APBB1IP: variants seen among roughly 807,000 people sequenced by gnomAD.
APBB1IP encodes amyloid beta A4 precursor protein-binding family B member 1-interacting protein.
A neutral mutation model predicts 64.9 loss-of-function variants in APBB1IP; 27 were observed. The ratio of observed to expected loss-of-function variants is 0.42; its 90% CI spans 0.31 to 0.57. The LOEUF is 0.57. Among genes scored for constraint, APBB1IP ranks in the 20% least tolerant of loss-of-function variants. The probability of loss-of-function intolerance (pLI) is 0.20; values close to 1 mark genes in which losing one functional copy is unlikely to be tolerated. For missense variants in APBB1IP, 812 were observed against 845.5 expected (o/e 0.96, Z 0.49); for synonymous variants, 392 against 331.0 (o/e 1.18, Z -2.00).
intron 2 of APBB1IP, among the ~76,000 whole-genome samples, chr10:26,461,153 A>C (rs1203895064): frequency 2.6e-5 from 4 of 152,052 alleles, no homozygotes; most frequent in Non-Finnish European, 5.9e-5. Flanking sequence ...TATAAAACGA[A>C]GGAAGAGAGG....
chr10:26,448,671 C>T (rs1459941909), intron 2 of APBB1IP, among the ~76,000 whole-genome samples: 3 of 152,214 alleles, frequency 2.0e-5, no homozygotes, highest in African/African-American at 7.2e-5. Flanking sequence ...TTTAAACCTA[C>T]ACCCAGAATG....
At chr10:26,552,787 C>T (rs182051265) in intron 11 of APBB1IP, among the ~76,000 whole-genome samples, 1 of 152,300 alleles carries the variant, frequency 6.6e-6, no homozygotes, top group African/African-American at 2.4e-5. Flanking sequence ...TCCAACGTGG[C>T]CTCTGGAACC....
intron 2 of APBB1IP, among the ~76,000 whole-genome samples, chr10:26,470,851 G>A (rs1835707933): frequency 6.6e-6 from 1 of 151,598 alleles, no homozygotes; most frequent in South Asian, 2.1e-4. Context: ...ACCTCAGCCT[G>A]TGTAATTGCC....
At chr10:26,478,382 T>A (rs1380331444) in intron 2 of APBB1IP, among the ~76,000 whole-genome samples, 1 of 151,664 alleles carries the variant, frequency 6.6e-6, no homozygotes, top group East Asian at 1.9e-4. Context: ...GCTGAATGTG[T>A]GAATTAGAAG....
intron 2 of APBB1IP, among the ~76,000 whole-genome samples, chr10:26,488,021 A>G (rs1366630995): frequency 6.6e-6 from 1 of 152,216 alleles, no homozygotes; most frequent in African/African-American, 2.4e-5. Context: ...AATTCATCTG[A>G]AGGATTCCTT....
At chr10:26,502,274 A>G (rs1836112959) in intron 5 of APBB1IP, among the ~76,000 whole-genome samples, 1 of 152,186 alleles carries the variant, frequency 6.6e-6, no homozygotes, top group Non-Finnish European at 1.5e-5. Context: ...CTCATAAAAT[A>G]CTTCACTCAC....
At chr10:26,505,605 A>G (rs565788773) in intron 6 of APBB1IP, among the ~76,000 whole-genome samples, 8 of 152,096 alleles carry the variant, frequency 5.3e-5, no homozygotes, top group Non-Finnish European at 1.0e-4. Context: ...TGGGCCTCCC[A>G]AAGTGCTGGG....
At chr10:26,458,404 T>C (rs990524274) in intron 2 of APBB1IP, among the ~76,000 whole-genome samples, 18 of 130,452 alleles carry the variant, frequency 1.4e-4, no homozygotes, top group African/African-American at 4.9e-4. Context: ...GGAAGGAAGG[T>C]AGGAAAAGGG....
At chr10:26,550,132 A>C (rs1347682608) in intron 11 of APBB1IP, among the ~76,000 whole-genome samples, 2 of 151,772 alleles carry the variant, frequency 1.3e-5, no homozygotes, top group African/African-American at 4.8e-5. Flanking sequence ...GCATATTAGA[A>C]TTCCCTTATG....
chr10:26,481,636 C>A (rs185983733), intron 2 of APBB1IP, among the ~76,000 whole-genome samples: 4 of 152,078 alleles, frequency 2.6e-5, no homozygotes, highest in African/African-American at 9.6e-5. Context: ...AGGTGCGCAC[C>A]ACTATGCCCA....
At chr10:26,550,540 G>A (rs1481407438) in intron 11 of APBB1IP, among the ~76,000 whole-genome samples, 1 of 151,780 alleles carries the variant, frequency 6.6e-6, no homozygotes, top group South Asian at 2.1e-4. Context: ...TGCAGTTGAT[G>A]TCCTCTGTTT....
chr10:26,565,556 C>T (rs1837031083), intron 14 of APBB1IP, among the ~76,000 whole-genome samples: 2 of 152,188 alleles, frequency 1.3e-5, no homozygotes, highest in African/African-American at 4.8e-5. Context: ...GATCTAAACA[C>T]CTCATTGAAC....
chr10:26,482,583 A>G (rs1282444789), intron 2 of APBB1IP, among the ~76,000 whole-genome samples: 1 of 152,148 alleles, frequency 6.6e-6, no homozygotes, highest in Non-Finnish European at 1.5e-5. Context: ...CCCATTCATA[A>G]GCTTTTTAAA....
chr10:26,447,507 G>A (rs976944269), intron 2 of APBB1IP, among the ~76,000 whole-genome samples: 8 of 152,136 alleles, frequency 5.3e-5, no homozygotes, highest in Admixed American at 3.9e-4. Context: ...AAAGGAAATG[G>A]GGAGAATCTA....
At chr10:26,440,702 T>C (rs1238777944) in intron 2 of APBB1IP, among the ~76,000 whole-genome samples, 2 of 152,194 alleles carry the variant, frequency 1.3e-5, no homozygotes, top group African/African-American at 4.8e-5. Context: ...ATTACATTTT[T>C]TGTATTTTTA....
At chr10:26,541,732 T>C in intron 11 of APBB1IP, 40 bp downstream of exon 11, 2 of 1,418,438 alleles carry the variant, frequency 1.4e-6, no homozygotes, top group Non-Finnish European at 1.9e-6. Context: ...TTATAAGCAA[T>C]TTGAGTTAAT....
chr10:26,479,699 C>T (rs1352169232), intron 2 of APBB1IP, among the ~76,000 whole-genome samples: 1 of 152,186 alleles, frequency 6.6e-6, no homozygotes, highest in East Asian at 1.9e-4. Flanking sequence ...TTTTGCTACG[C>T]TTTTGGCTGC....
intron 9 of APBB1IP, among the ~76,000 whole-genome samples, chr10:26,534,722 C>A (rs192037236): frequency 6.6e-6 from 1 of 152,294 alleles, no homozygotes; most frequent in African/African-American, 2.4e-5. Context: ...GGTTCTGGTG[C>A]CTGGGAGCAT....
At chr10:26,462,978 A>T (rs1589193674) in intron 2 of APBB1IP, among the ~76,000 whole-genome samples, 1 of 152,216 alleles carries the variant, frequency 6.6e-6, no homozygotes, top group South Asian at 2.1e-4. Context: ...TTCTGGACTG[A>T]GAGGCTGACT....
Sources: gnomAD v4.1 joint callset for allele counts (sites outside exome capture counted in the v4.1 genomes callset) on GRCh38, gnomAD v4.1.1 for gene constraint, MANE v1.5 for transcripts, NCBI Gene and HGNC (gene_info 2026-07-23, HGNC 2026-07-21) for gene names.